The following LARP1B variants were observed in gnomAD, a reference collection of about 807,000 sequenced individuals.
The protein encoded by LARP1B is La ribonucleoprotein 1B.
Under a neutral mutation model 114.2 loss-of-function variants are expected in LARP1B, and 76 were observed. The observed-to-expected ratio is 0.67, with a 90% CI of 0.55 to 0.81. The LOEUF is 0.81. LARP1B is among the 30% of genes least tolerant of loss of function. The probability of loss-of-function intolerance (pLI) is 0.00; values close to 1 mark genes in which losing one functional copy is unlikely to be tolerated. For synonymous variants in LARP1B, 345 were observed against 348.0 expected (o/e 0.99, Z 0.10); for missense variants, 1,014 against 1,075.8 (o/e 0.94, Z 0.80).
intron 1 of LARP1B, among the ~76,000 whole-genome samples, chr4:128,065,285 C>CAA (rs1762110381): frequency 7.4e-6 from 1 of 135,214 alleles, no homozygotes; most frequent in African/African-American, 2.9e-5. Context: ...TTCTTTCTTT[C>CAA]TTTCTTTCTT....
chr4:128,091,301 T>G, intron 6 of LARP1B, 46 bp from the exon 7 acceptor site: 2 of 1,551,154 alleles, frequency 1.3e-6, no homozygotes. Context: ...AGTAACTATT[T>G]TTTTCTAATA....
At chr4:128,168,394 T>A (rs112085700) in intron 12 of LARP1B, among the ~76,000 whole-genome samples, 23 of 152,174 alleles carry the variant, frequency 1.5e-4, no homozygotes, top group African/African-American at 5.3e-4. Context: ...AAGTGCCTGC[T>A]CAAATCTTTG....
At chr4:128,206,958 C>T (rs189100431) in intron 18 of LARP1B, 6 of 458,360 alleles carry the variant, frequency 1.3e-5, no homozygotes, top group African/African-American at 1.1e-4. Flanking sequence ...GGTAAATTGC[C>T]TACCCTTGCT....
intron 11 of LARP1B, among the ~76,000 whole-genome samples, chr4:128,130,803 A>G (rs985094612): frequency 2.6e-5 from 4 of 152,234 alleles, no homozygotes; most frequent in Non-Finnish European, 5.9e-5. Context: ...GTGGATGGAT[A>G]AACAAGCTGT....
rs1784184965 is a variant in LARP1B, at chr4:128,111,742, G to A, written c.989-2828G>A. On this transcript the variant is annotated intron_variant, in intron 9 of 19. Coordinates refer to ENST00000326639, the MANE Select transcript of LARP1B (RefSeq NM_018078.4). ...AGTCTTGTTCTTGTCCCCCAGGCTG[G>A]AGTGCAGTGGCTCACTGCAACCTCC... Among the ~76,000 whole-genome samples the A allele has an allele frequency of 2.0e-5, 3 of 152,158 alleles. No individual in the cohort carries two copies. The South Asian group carries it at 6.2e-4, about 32-fold the overall frequency.
chr4:128,114,945 T>TA (rs201713672), intron 10 of LARP1B, among the ~76,000 whole-genome samples: 190 of 151,992 alleles, frequency 1.3e-3, no homozygotes, highest in South Asian at 3.7e-3. Flanking sequence ...GTTATTTATT[T>TA]TTTTTTTTTT....
chr4:128,134,921 A>G (rs1052366171), intron 11 of LARP1B, among the ~76,000 whole-genome samples: 2 of 152,078 alleles, frequency 1.3e-5, no homozygotes, highest in Non-Finnish European at 2.9e-5. Flanking sequence ...CCTGGCCAAC[A>G]TGGCGAAACT....
At chr4:128,101,442 G>A (rs1045213926) in intron 8 of LARP1B, among the ~76,000 whole-genome samples, 2 of 151,812 alleles carry the variant, frequency 1.3e-5, no homozygotes, top group African/African-American at 4.8e-5. Context: ...TGATTTGTTG[G>A]TGTATAATTA....
downstream of LARP1B, among the ~76,000 whole-genome samples, chr4:128,216,754 C>T (rs1759515673): frequency 6.6e-6 from 1 of 151,786 alleles, no homozygotes; most frequent in East Asian, 1.9e-4. Flanking sequence ...CAAGAGCAAA[C>T]ACATTCAAAA....
chr4:128,157,225 A>T (rs1166670169), intron 11 of LARP1B, among the ~76,000 whole-genome samples: 1 of 152,224 alleles, frequency 6.6e-6, no homozygotes, highest in Non-Finnish European at 1.5e-5. Context: ...AATACAAAAT[A>T]TGATAATCAA....
chr4:128,142,849 C>T (rs373702554), intron 11 of LARP1B, among the ~76,000 whole-genome samples: 17 of 152,004 alleles, frequency 1.1e-4, no homozygotes, highest in East Asian at 3.9e-4. Flanking sequence ...TTACACTCTT[C>T]CTAACACCTT....
chr4:128,112,543 A>G (rs1053621336), intron 9 of LARP1B, among the ~76,000 whole-genome samples: 1 of 129,896 alleles, frequency 7.7e-6, no homozygotes, highest in African/African-American at 3.0e-5. Flanking sequence ...GCGTGATCTC[A>G]GCTCACTGCA....
intron 18 of LARP1B, chr4:128,206,853 A>G (rs1403394905): frequency 1.0e-6 from 1 of 985,042 alleles, no homozygotes; most frequent in Non-Finnish European, 1.2e-6. Flanking sequence ...TAAGCTTGGA[A>G]AGGCAGAAAT....
rs538703380 is a variant in LARP1B, at chr4:128,162,539, T to C, written c.1648+222T>C. On this transcript the variant is annotated intron_variant, in intron 12 of 19. Coordinates refer to ENST00000326639, the MANE Select transcript of LARP1B (RefSeq NM_018078.4). The stretch of plus-strand genomic sequence containing the variant: ...TTACTTAGAAGTAGGCAGAATTTGT[T>C]GGTTCTTTATGTATCTGATGTGATT... Among the ~76,000 whole-genome samples, 59 of 152,258 alleles carry C rather than the reference T, an allele frequency of 3.9e-4. 1 individual carries two copies. The highest frequency in any genetic ancestry group is 8.3e-4 in the South Asian group (4 of 4,824).
rs182523379 is a variant in LARP1B at position 128,140,637 on chromosome 4, C to T, written c.1524+18449C>T. Among the ~76,000 whole-genome samples, 88 of 152,016 alleles carry T rather than the reference C, an allele frequency of 5.8e-4. No homozygotes were observed. The Middle Eastern group carries it at 0.01, about 18-fold the overall frequency. ...GTTTCTGGTAGTTGTTACATGAATGCGTTATAAGTTGCACATGTATATTTT... is the reference window on the plus strand; with the variant it reads ...GTTTCTGGTAGTTGTTACATGAATGTGTTATAAGTTGCACATGTATATTTT... On this transcript the variant is annotated intron_variant, in intron 11 of 19. Coordinates refer to ENST00000326639, the MANE Select transcript of LARP1B (RefSeq NM_018078.4).
intron 12 of LARP1B, among the ~76,000 whole-genome samples, chr4:128,172,246 A>G (rs1744036042): frequency 6.6e-6 from 1 of 150,622 alleles, no homozygotes; most frequent in South Asian, 2.1e-4. Flanking sequence ...TTCCTCTGTC[A>G]CCTATTTTAA....
At position 128,210,383 on chromosome 4, in the gene LARP1B, A is replaced by G. The variant is rs529285710; in HGVS notation, c.*330A>G. The G allele has an allele frequency of 4.4e-5, 47 of 1,078,474 alleles. No individual in the cohort carries two copies. The Middle Eastern group carries it at 2.7e-3, about 61-fold the overall frequency. The allele number at this position is 1,078,474 out of a possible 1,614,324, so 66.8% of individuals were successfully genotyped here. On this transcript the variant is annotated 3_prime_UTR_variant, in exon 20 of 20. Transcript: ENST00000326639. ...TTTACAAAAACAGCATTCCTTAAAT[A>G]TATTTAAAAAACAATACAAGGAATG...
intron 12 of LARP1B, among the ~76,000 whole-genome samples, chr4:128,162,680 G>A (rs1739020009): frequency 6.6e-6 from 1 of 152,076 alleles, no homozygotes. Flanking sequence ...GTGTGAGAGT[G>A]TAAATAAATA....
intron 7 of LARP1B, among the ~76,000 whole-genome samples, chr4:128,221,220 T>A (rs1056538939): frequency 3.9e-5 from 6 of 152,232 alleles, no homozygotes; most frequent in Non-Finnish European, 4.4e-5. Flanking sequence ...ATCATCCATG[T>A]GTTTAAATGT....
Sources: allele counts gnomAD v4.1 joint callset (sites outside exome capture counted in the v4.1 genomes callset), GRCh38; gene constraint gnomAD v4.1.1; transcripts MANE v1.5; gene names NCBI Gene and HGNC (gene_info 2026-07-23, HGNC 2026-07-21).